YES1: variants seen among roughly 807,000 people sequenced by gnomAD.
The protein encoded by YES1 is YES proto-oncogene 1, Src family tyrosine kinase, also known as tyrosine-protein kinase Yes.
Under a neutral mutation model 70.4 loss-of-function variants are expected in YES1, and 39 were observed. The ratio of observed to expected loss-of-function variants is 0.55; its 90% CI spans 0.43 to 0.72. The LOEUF (loss-of-function observed/expected upper bound fraction) is 0.72. YES1 is among the 30% of genes least tolerant of loss of function. The pLI, the probability that YES1 is intolerant of heterozygous loss-of-function variation, is 0.00. For synonymous variants in YES1, 198 were observed against 218.6 expected (o/e 0.91, Z 0.83); for missense variants, 495 against 644.8 (o/e 0.77, Z 2.52).
chr18:773,290 G>T (rs1486399985), intron 1 of YES1, among the ~76,000 whole-genome samples: 3 of 152,178 alleles, frequency 2.0e-5, no homozygotes, highest in Admixed American at 2.0e-4. Context: ...GGTCAGTACA[G>T]ACAGCTTTAC....
chr18:790,644 A>G (rs1032679360), intron 1 of YES1, among the ~76,000 whole-genome samples: 2 of 152,232 alleles, frequency 1.3e-5, no homozygotes, highest in African/African-American at 2.4e-5. Context: ...ATAACTTTGT[A>G]TAACTCCTGC....
In YES1 at chr18:743,271, T is replaced by A; in HGVS notation, c.869A>T (p.Glu290Val). 1 of 1,611,548 alleles carries A rather than the reference T, an allele frequency of 6.2e-7. No individual in the cohort carries two copies. The highest frequency in any genetic ancestry group is 8.5e-7 in the Non-Finnish European group (1 of 1,179,454). ...EVKLGQGCFGEVWMGTWNGTT... is the reference protein window; with the variant it reads ...EVKLGQGCFGVVWMGTWNGTT... ...TTCAGGCTTCTTACCCATCCACACT[T>A]CGCCGAAACATCCTTGTCCTAGTTT... Residue 290 changes from glutamate to valine, a missense_variant, in exon 7 of 12, where the codon GAA becomes GTA. Around this residue, in one of 2 missense-constraint regions of YES1, gnomAD observed 385 missense variants for 540.9 expected, o/e 0.71. Transcript: ENST00000314574.
chr18:738,866 C>T (rs963876454), intron 9 of YES1: 2 of 152,088 alleles, frequency 1.3e-5, no homozygotes, highest in African/African-American at 4.8e-5. Flanking sequence ...TCTTGTTGCT[C>T]AGGCTGGAGT....
At chr18:771,381 A>G (rs1441851498) in intron 1 of YES1, among the ~76,000 whole-genome samples, 1 of 152,018 alleles carries the variant, frequency 6.6e-6, no homozygotes. Flanking sequence ...AAAAAAAAAA[A>G]TTCATTTGAG....
At chr18:734,159 A>C (rs1471080819) in intron 10 of YES1, among the ~76,000 whole-genome samples, 1 of 151,194 alleles carries the variant, frequency 6.6e-6, no homozygotes, top group Non-Finnish European at 1.5e-5. Context: ...CATGCCTGTA[A>C]TCCCAGCTAC....
intron 1 of YES1, among the ~76,000 whole-genome samples, chr18:769,859 A>AT (rs1274518072): frequency 6.6e-6 from 1 of 151,822 alleles, no homozygotes; most frequent in African/African-American, 2.4e-5. Flanking sequence ...CAAGAACCAC[A>AT]TTGTTCTTTA....
At chr18:750,392 A>G (rs1312734845) in intron 3 of YES1, among the ~76,000 whole-genome samples, 1 of 152,192 alleles carries the variant, frequency 6.6e-6, no homozygotes, top group East Asian at 1.9e-4. Flanking sequence ...GGGTTTTCCA[A>G]CTTCAGCACT....
At chr18:725,513 C>A (rs75389570) in intron 11 of YES1, among the ~76,000 whole-genome samples, 1 of 152,010 alleles carries the variant, frequency 6.6e-6, no homozygotes, top group East Asian at 1.9e-4. Flanking sequence ...TTAAAAAAAA[C>A]TCTACATGAC....
chr18:768,882 T>C (rs956392909), intron 1 of YES1, among the ~76,000 whole-genome samples: 20 of 152,222 alleles, frequency 1.3e-4, no homozygotes, highest in Middle Eastern at 3.4e-3. Flanking sequence ...TTTGTATTTT[T>C]AGTAGAGACA....
intron 3 of YES1, 77 bp from the exon 4 acceptor site, chr18:748,095 T>C (rs1368124317): frequency 8.4e-7 from 1 of 1,184,006 alleles, no homozygotes; most frequent in East Asian, 2.4e-5. Context: ...CTATCTTGTA[T>C]CTGAAGTAAA....
intron 1 of YES1, among the ~76,000 whole-genome samples, chr18:774,155 A>T (rs1376474634): frequency 6.6e-6 from 1 of 151,834 alleles, no homozygotes; most frequent in African/African-American, 2.4e-5. Context: ...GTAAGACATT[A>T]CCCTCTTGGT....
chr18:798,396 C>T (rs939739245), intron 1 of YES1, among the ~76,000 whole-genome samples: 46 of 152,176 alleles, frequency 3.0e-4, no homozygotes, highest in African/African-American at 9.9e-4. Context: ...AAGAGCTTCA[C>T]AACCCTCTTT....
At chr18:797,614 T>C (rs566906446) in intron 1 of YES1, among the ~76,000 whole-genome samples, 9 of 152,346 alleles carry the variant, frequency 5.9e-5, no homozygotes, top group Admixed American at 3.3e-4. Flanking sequence ...GGTAGTTCAA[T>C]AAAGCACTTC....
chr18:797,302 A>G (rs532762817), intron 1 of YES1, among the ~76,000 whole-genome samples: 83 of 152,254 alleles, frequency 5.5e-4, no homozygotes, highest in African/African-American at 1.9e-3. Flanking sequence ...ATATATAACA[A>G]AAATAAAACA....
At chr18:764,731 CTTT>C (rs1158962483) in intron 1 of YES1, among the ~76,000 whole-genome samples, 1 of 151,996 alleles carries the variant, frequency 6.6e-6, no homozygotes, top group Non-Finnish European at 1.5e-5. Context: ...CTGAATCTTT[CTTT>C]TTTCTCTCTT....
intron 1 of YES1, among the ~76,000 whole-genome samples, chr18:766,022 C>T (rs961141912): frequency 6.6e-6 from 1 of 152,156 alleles, no homozygotes; most frequent in Non-Finnish European, 1.5e-5. Context: ...CTTCACTGAT[C>T]CTCTACTTCA....
At chr18:733,923 T>C (rs1045434366) in intron 10 of YES1, among the ~76,000 whole-genome samples, 1 of 152,186 alleles carries the variant, frequency 6.6e-6, no homozygotes, top group Non-Finnish European at 1.5e-5. Context: ...CAGAGTTCTT[T>C]AGATATTTAG....
chr18:809,037 TGA>T (rs996389950), intron 1 of YES1, among the ~76,000 whole-genome samples: 2 of 152,180 alleles, frequency 1.3e-5, no homozygotes, highest in Non-Finnish European at 2.9e-5. Context: ...ATGCCGTAAT[TGA>T]GTTTTGAGTT....
At chr18:755,704 AAGG>A (rs1034722634) in intron 2 of YES1, among the ~76,000 whole-genome samples, 2 of 152,124 alleles carry the variant, frequency 1.3e-5, no homozygotes, top group African/African-American at 4.8e-5. Flanking sequence ...TGCCAAGCCT[AAGG>A]ATAAAGCAGA....
Sources: gnomAD v4.1 joint callset for allele counts (sites outside exome capture counted in the v4.1 genomes callset) on GRCh38, gnomAD v4.1.1 for gene constraint, gnomAD v4.1.1 regional missense constraint, MANE v1.5 for transcripts, NCBI Gene and HGNC (gene_info 2026-07-23, HGNC 2026-07-21) for gene names.